ATP10B: variants seen among roughly 807,000 people sequenced by gnomAD.
ATP10B encodes the protein ATPase phospholipid transporting 10B (putative).
A neutral mutation model predicts 141.2 loss-of-function variants in ATP10B; 122 were observed. The observed-to-expected ratio is 0.86, with a 90% CI of 0.75 to 1.00. ATP10B has a LOEUF of 1.00. ATP10B is among the 50% of genes least tolerant of loss of function. The probability of loss-of-function intolerance (pLI) is 0.00; values close to 1 mark genes in which losing one functional copy is unlikely to be tolerated. For missense variants in ATP10B, 1,876 were observed against 1,825.3 expected (o/e 1.03, Z -0.51); for synonymous variants, 685 against 692.0 (o/e 0.99, Z 0.16).
chr5:160,849,629 A>ACACACACACT (rs1285031620), intron 1 of ATP10B, among the ~76,000 whole-genome samples: 3 of 151,944 alleles, frequency 2.0e-5, no homozygotes, highest in Non-Finnish European at 2.9e-5. Context: ...ACACACACAC[A>ACACACACACT]CACACACACA....
At chr5:160,795,521 T>C (rs1771879592) in intron 1 of ATP10B, among the ~76,000 whole-genome samples, 1 of 151,956 alleles carries the variant, frequency 6.6e-6, no homozygotes, top group African/African-American at 2.4e-5. Flanking sequence ...GGGGTGAGAA[T>C]AGTGGCCCCT....
chr5:160,755,860 T>C (rs1382503130), intron 2 of ATP10B, among the ~76,000 whole-genome samples: 1 of 121,090 alleles, frequency 8.3e-6, no homozygotes, highest in Non-Finnish European at 1.6e-5. Context: ...TATATATATA[T>C]ATATATATAT....
chr5:160,741,423 G>T (rs1277219908), intron 2 of ATP10B, among the ~76,000 whole-genome samples: 1 of 152,162 alleles, frequency 6.6e-6, no homozygotes, highest in Non-Finnish European at 1.5e-5. Flanking sequence ...TAGACTGGCG[G>T]TCAGTGACTT....
chr5:160,641,032 T>C (rs1759821584), intron 9 of ATP10B, among the ~76,000 whole-genome samples: 1 of 152,188 alleles, frequency 6.6e-6, no homozygotes, highest in Non-Finnish European at 1.5e-5. Flanking sequence ...TGGCAAGACA[T>C]AGGGTTCACA....
At position 160,778,368 on chromosome 5, in the gene ATP10B, C is replaced by A. The variant is rs979848106; in HGVS notation, c.-331+7191G>T. Among the ~76,000 whole-genome samples the A allele has an allele frequency of 5.3e-5, 8 of 152,308 alleles. No individual in the cohort carries two copies. In the East Asian group the frequency reaches 7.7e-4, roughly 15 times the overall value. ...AAAGACTGCTCCAGTCCTCCAATAC[C>A]CTTCCTGAAGAGATTTGATGACACA... On this transcript the variant is annotated intron_variant, in intron 2 of 25. Transcript: ENST00000327245.
intron 24 of ATP10B, among the ~76,000 whole-genome samples, chr5:160,570,692 C>T (rs1403199503): frequency 6.6e-6 from 1 of 152,210 alleles, no homozygotes; most frequent in African/African-American, 2.4e-5. Flanking sequence ...CTAAGATCTA[C>T]TCACATGTTT....
Position 160,602,686 on chromosome 5 carries a change from T to C in ATP10B, c.3254A>G (p.Asp1085Gly). 1 of 1,613,974 alleles carries C rather than the reference T, an allele frequency of 6.2e-7. No homozygotes were observed. The highest frequency in any genetic ancestry group is 8.5e-7 in the Non-Finnish European group (1 of 1,179,874). ...QEGMQAVMSS[D>G]FAITRFKHLK... Reference sequence around the variant, plus strand: ...ATGCTTAAAGCGGGTGATGGCAAAGTCGCTGGACATGACAGCCTGAGAGGT... The same window carrying C: ...ATGCTTAAAGCGGGTGATGGCAAAGCCGCTGGACATGACAGCCTGAGAGGT... Residue 1085 changes from aspartate (D) to glycine (G), a missense_variant, in exon 21 of 26, where the codon GAC becomes GGC. Asp to Gly is a moderately conservative substitution (Grantham distance 94). Coordinates refer to ENST00000327245, the MANE Select transcript of ATP10B (RefSeq NM_025153.3).
chr5:160,869,617 A>C, the ATP10B span, among the ~76,000 whole-genome samples: 5 of 152,172 alleles, frequency 3.3e-5, no homozygotes, highest in Non-Finnish European at 5.9e-5. Context: ...CAGACTGAAA[A>C]ATCAACTCTT....
chr5:160,763,078 G>T (rs568015250), intron 2 of ATP10B, among the ~76,000 whole-genome samples: 1 of 152,084 alleles, frequency 6.6e-6, no homozygotes, highest in East Asian at 1.9e-4. Context: ...ACTACTACTA[G>T]ACCTAAGAAA....
At chr5:160,838,203 G>T (rs529032519) in intron 1 of ATP10B, among the ~76,000 whole-genome samples, 2 of 152,208 alleles carry the variant, frequency 1.3e-5, no homozygotes, top group South Asian at 4.1e-4. Flanking sequence ...CATTCTGTAG[G>T]TTCCTCACAT....
chr5:160,722,469 G>T (rs1341227080), intron 2 of ATP10B, among the ~76,000 whole-genome samples: 2 of 152,052 alleles, frequency 1.3e-5, no homozygotes, highest in African/African-American at 4.8e-5. Flanking sequence ...TATGGACTTG[G>T]TTGCTACCTT....
Position 160,634,439 on chromosome 5 carries a change from G to A in ATP10B, c.1296C>T (p.Ser432=), listed in dbSNP as rs1480605598. ...TCTCTGTCAGGGTCCCCGTCTTATC[G>A]GAGAAGATGTACTGGATCTGGCCCA... ...EDLGQIQYIF[S]DKTGTLTENK... Residue 432 remains serine (S), a synonymous_variant, in exon 12 of 26, where the codon TCC becomes TCT. Coordinates refer to ENST00000327245, the MANE Select transcript of ATP10B (RefSeq NM_025153.3). 12 of 1,614,000 alleles carry A rather than the reference G, an allele frequency of 7.4e-6. No individual in the cohort carries two copies. Among genetic ancestry groups the A allele is most frequent in the Middle Eastern group, 1.6e-4 (1 of 6,084 alleles).
the ATP10B span, among the ~76,000 whole-genome samples, chr5:160,880,229 TATAA>T: frequency 1.4e-5 from 2 of 145,714 alleles, no homozygotes; most frequent in Admixed American, 6.8e-5. Context: ...ATAAATAAAA[TATAA>T]ATATTTTTAT....
At chr5:160,889,630 G>A in the ATP10B span, among the ~76,000 whole-genome samples, 5 of 152,288 alleles carry the variant, frequency 3.3e-5, no homozygotes, top group South Asian at 2.1e-4. Flanking sequence ...AATCTATCCC[G>A]TGGAGCTTAC....
upstream of ATP10B, among the ~76,000 whole-genome samples, chr5:160,855,223 G>A (rs780195656): frequency 6.6e-6 from 1 of 152,100 alleles, no homozygotes; most frequent in Non-Finnish European, 1.5e-5. Flanking sequence ...CTTCCAGAGT[G>A]ACTATACCAT....
chr5:160,794,229 G>A (rs1195750171), intron 1 of ATP10B, among the ~76,000 whole-genome samples: 1 of 152,118 alleles, frequency 6.6e-6, no homozygotes, highest in African/African-American at 2.4e-5. Context: ...AAGGATCAGG[G>A]GAGCAGTTAA....
intron 7 of ATP10B, among the ~76,000 whole-genome samples, chr5:160,657,277 T>C (rs531357566): frequency 6.6e-6 from 1 of 152,300 alleles, no homozygotes; most frequent in South Asian, 2.1e-4. Flanking sequence ...GGTATACAAA[T>C]TAAGCAACCC....
At chr5:160,903,702 A>C in the ATP10B span, among the ~76,000 whole-genome samples, 1 of 152,182 alleles carries the variant, frequency 6.6e-6, no homozygotes, top group African/African-American at 2.4e-5. Flanking sequence ...TGCTTGACAA[A>C]AATGCAGCAC....
chr5:160,786,286 G>C (rs1474457641), intron 1 of ATP10B, among the ~76,000 whole-genome samples: 1 of 152,178 alleles, frequency 6.6e-6, no homozygotes, highest in Non-Finnish European at 1.5e-5. Flanking sequence ...CTGCAGTTTT[G>C]AGTGAGAGGT....
Sources: allele counts gnomAD v4.1 joint callset (sites outside exome capture counted in the v4.1 genomes callset), GRCh38; gene constraint gnomAD v4.1.1; transcripts MANE v1.5; gene names NCBI Gene and HGNC (gene_info 2026-07-23, HGNC 2026-07-21).